Variants in FNBP1 observed in about 807,000 individuals in gnomAD.
FNBP1 encodes formin-binding protein 1.
FNBP1 carries 26 observed loss-of-function variants against 90.6 expected under a neutral mutation model. The observed-to-expected ratio is 0.29, with a 90% confidence interval of 0.21 to 0.40. The LOEUF (loss-of-function observed/expected upper bound fraction) is 0.40, where lower values mean the gene tolerates loss of function less well. Among genes scored for constraint, FNBP1 ranks in the 10% least tolerant of loss-of-function variants. FNBP1 has a pLI of 1.00. For synonymous variants in FNBP1, 260 were observed against 265.2 expected, an observed-to-expected ratio of 0.98 and a Z score of 0.19; for missense variants, 635 against 768.0, an observed-to-expected ratio of 0.83 and a Z score of 2.05.
At chr9:130,006,000 A>AC (rs2055645565) in intron 1 of FNBP1, among the ~76,000 whole-genome samples, 1 of 152,184 alleles carries the variant, frequency 6.6e-6, no homozygotes, top group East Asian at 1.9e-4. Flanking sequence ...CTGTGAGGTA[A>AC]CTGACAAAAA....
At chr9:129,954,626 CAAT>C (rs1248787672) in intron 6 of FNBP1, among the ~76,000 whole-genome samples, 4 of 151,892 alleles carry the variant, frequency 2.6e-5, no homozygotes, top group Non-Finnish European at 4.4e-5. Context: ...TAATGATATT[CAAT>C]AATAAGTCAA....
chr9:129,953,418 A>G (rs1194676255), intron 6 of FNBP1, among the ~76,000 whole-genome samples: 2 of 152,054 alleles, frequency 1.3e-5, no homozygotes, highest in Non-Finnish European at 2.9e-5. Flanking sequence ...TGAACCCGGG[A>G]GGCAGAGGTT....
At chr9:129,934,577 A>T (rs1436767452) in intron 6 of FNBP1, among the ~76,000 whole-genome samples, 4 of 148,360 alleles carry the variant, frequency 2.7e-5, no homozygotes, top group Non-Finnish European at 6.0e-5. Flanking sequence ...CTTCTTGGTA[A>T]TTTTTTTTTT....
chr9:130,004,262 C>G (rs1178799766), intron 1 of FNBP1, among the ~76,000 whole-genome samples: 1 of 145,736 alleles, frequency 6.9e-6, no homozygotes, highest in Non-Finnish European at 1.5e-5. Context: ...GACTCCATCT[C>G]GAAAAAAAAA....
At chr9:129,936,026 T>C (rs1183360997) in intron 6 of FNBP1, among the ~76,000 whole-genome samples, 3 of 152,156 alleles carry the variant, frequency 2.0e-5, no homozygotes, top group Non-Finnish European at 2.9e-5. Context: ...AAAACCACAA[T>C]TACTTTTGCA....
chr9:129,954,889 G>A (rs888292832), intron 6 of FNBP1, among the ~76,000 whole-genome samples: 1 of 152,062 alleles, frequency 6.6e-6, no homozygotes, highest in African/African-American at 2.4e-5. Context: ...AGCAATTTGG[G>A]AGGCTGAAGC....
chr9:129,952,447 G>C (rs755902834), intron 6 of FNBP1, among the ~76,000 whole-genome samples: 3 of 151,968 alleles, frequency 2.0e-5, no homozygotes, highest in African/African-American at 4.8e-5. Flanking sequence ...GAAGTGAGTG[G>C]AGATCATGCC....
chr9:129,986,012 T>C (rs1158914849), intron 2 of FNBP1, among the ~76,000 whole-genome samples: 1 of 146,770 alleles, frequency 6.8e-6, no homozygotes, highest in Non-Finnish European at 1.5e-5. Flanking sequence ...GGTGTGTGCC[T>C]GTAATCCCAG....
rs1462452332 is a variant in FNBP1, at chr9:129,986,602, C to G, written c.141-7228G>C. Among the ~76,000 whole-genome samples the G allele has an allele frequency of 2.0e-5, 3 of 151,708 alleles. No individual in the cohort carries two copies. The South Asian group carries it at 6.2e-4, about 32-fold the overall frequency. ...GTCAAGAGATCGAGACCATCCTGGC[C>G]AACATGGTGAAACCCCGTCTCTATT... On this transcript the variant is annotated intron_variant, in intron 2 of 16. Coordinates refer to ENST00000446176, the MANE Select transcript of FNBP1 (RefSeq NM_015033.3).
intron 1 of FNBP1, among the ~76,000 whole-genome samples, chr9:130,017,474 T>C (rs2057349103): frequency 6.6e-6 from 1 of 152,202 alleles, no homozygotes; most frequent in Admixed American, 6.6e-5. Flanking sequence ...GAGCTCCTAT[T>C]TCTGTTACAA....
Position 129,902,974 on chromosome 9 carries a change from G to C in FNBP1, c.1323C>G (p.Val441=). The change falls in exon 13 of 17, where the codon GTC becomes GTG. Residue 441 remains valine (V), a synonymous_variant. Coordinates refer to ENST00000446176, the MANE Select transcript of FNBP1 (RefSeq NM_015033.3). ...QRDAITKMKD[V]YLKNPQMGDP... Reference sequence around the variant, plus strand: ...CTCCCATCTGAGGATTCTTTAGGTAGACATCTTTCATTTTTGTTATGGCAT... The same window carrying C: ...CTCCCATCTGAGGATTCTTTAGGTACACATCTTTCATTTTTGTTATGGCAT... The C allele has an allele frequency of 6.3e-7, 1 of 1,593,858 alleles. No individual in the cohort carries two copies. Among genetic ancestry groups the C allele is most frequent in the Non-Finnish European group, 8.6e-7 (1 of 1,169,450 alleles).
intron 4 of FNBP1, among the ~76,000 whole-genome samples, chr9:129,963,333 A>T (rs1235634717): frequency 6.9e-6 from 1 of 144,744 alleles, no homozygotes; most frequent in African/African-American, 2.5e-5. Flanking sequence ...CAAGAGTCTT[A>T]AAAAAAAAAG....
chr9:129,895,881 G>A lies in FNBP1; in HGVS notation c.1803C>T (p.Val601=), dbSNP rs1564249384. 6.2e-7 allele frequency: 1 copy of A among 1,613,562 alleles called. No individual in the cohort carries two copies. Among genetic ancestry groups the A allele is most frequent in the East Asian group, 2.2e-5 (1 of 44,874 alleles). ...IRRNEDEEGY[V]PTSYVEVCLD... is the part of the protein sequence containing the mutation. ...AACAGACTTCGACATATGAAGTGGG[G>A]ACATAACCCTCTTCATCTTCATTTC... is the stretch of plus-strand genomic sequence containing the variant. Residue 601 remains valine, a synonymous_variant, in exon 16 of 17, where the codon GTC becomes GTT. Transcript: ENST00000446176.
chr9:129,895,813 T>A, intron 16 of FNBP1, 25 bp downstream of exon 16: 1 of 1,501,450 alleles, frequency 6.7e-7, no homozygotes, highest in Non-Finnish European at 8.9e-7. Flanking sequence ...TTTTTTTTTA[T>A]GGTATTAAAT....
At chr9:129,931,284 G>A (rs536268544) in intron 6 of FNBP1, among the ~76,000 whole-genome samples, 11 of 151,962 alleles carry the variant, frequency 7.2e-5, no homozygotes, top group Admixed American at 3.3e-4. Flanking sequence ...GCAACAGAAC[G>A]AGACCCTGTG....
Position 130,028,888 on chromosome 9 carries a change from T to C in FNBP1, c.24+14064A>G, listed in dbSNP as rs560129944. 1.5e-4 allele frequency among the ~76,000 whole-genome samples: 23 copies of C among 152,304 alleles called. No homozygotes were observed. In the South Asian group the frequency reaches 4.8e-3, roughly 32 times the overall value. ...TTCCCTGGGCTCCAGATGCATATAC[T>C]AGGCTATCGACGCAATATTAGATAA... On this transcript the variant is annotated intron_variant, in intron 1 of 16. Transcript: ENST00000446176.
chr9:129,935,121 A>ATTT lies in FNBP1; in HGVS notation c.514-5429_514-5427dup, dbSNP rs11410932. 9.3e-4 allele frequency among the ~76,000 whole-genome samples: 118 copies of ATTT among 127,052 alleles called. 2 individuals carry two copies. Among genetic ancestry groups the ATTT allele is most frequent in the Middle Eastern group, 8.3e-3 (2 of 242 alleles). 83.4% of individuals were successfully genotyped at this position (127,052 alleles called of 152,430 possible). A position where few individuals can be genotyped will look rare whatever the true frequency, so the allele number is the denominator to read the frequency against. ...TGTGTGGCTATTTCCTGTTTAGCTC[A>ATTT]TTTTTTTTTTTTTTTTTTTTAAGAC... On this transcript the variant is annotated intron_variant, in intron 6 of 16. Coordinates refer to ENST00000446176, the MANE Select transcript of FNBP1 (RefSeq NM_015033.3).
intron 11 of FNBP1, among the ~76,000 whole-genome samples, chr9:129,909,918 C>T (rs957138618): frequency 1.3e-5 from 2 of 152,208 alleles, no homozygotes; most frequent in South Asian, 4.1e-4. Context: ...GGAAGCCTCT[C>T]AGAGTTCAGA....
At chr9:129,958,454 AT>A in intron 5 of FNBP1, 36 bp downstream of exon 5, 1 of 1,515,794 alleles carries the variant, frequency 6.6e-7, no homozygotes, top group African/African-American at 1.4e-5. Context: ...AAAAAAATCT[AT>A]AAAGCCGTTT....
Sources: allele counts gnomAD v4.1 joint callset (sites outside exome capture counted in the v4.1 genomes callset), GRCh38; gene constraint gnomAD v4.1.1; transcripts MANE v1.5; gene names NCBI Gene and HGNC (gene_info 2026-07-23, HGNC 2026-07-21).